ARMC2: variants seen among roughly 807,000 people sequenced by gnomAD.
The protein encoded by ARMC2 is armadillo repeat-containing protein 2.
Under a neutral mutation model 90.3 loss-of-function variants are expected in ARMC2, and 67 were observed. That is an observed-to-expected ratio of 0.74 (90% confidence interval 0.61 to 0.91). ARMC2 has a LOEUF of 0.91. Ranked by LOEUF, ARMC2 falls within the 40% of genes least tolerant of loss-of-function variation. ARMC2 has a pLI of 0.00. For missense variants in ARMC2, 920 were observed against 1,030.9 expected (o/e 0.89, Z 1.47); for synonymous variants, 393 against 393.0 (o/e 1.00, Z 0.00).
At chr6:108,856,134 A>G (rs1057173135) in intron 2 of ARMC2, among the ~76,000 whole-genome samples, 7 of 152,174 alleles carry the variant, frequency 4.6e-5, no homozygotes, top group Non-Finnish European at 1.0e-4. Flanking sequence ...GCAATACGCA[A>G]GGTTTTCTAG....
intron 12 of ARMC2, among the ~76,000 whole-genome samples, chr6:108,944,425 G>C (rs1019431672): frequency 1.3e-5 from 2 of 152,150 alleles, no homozygotes; most frequent in Non-Finnish European, 2.9e-5. Flanking sequence ...TGAAAAAGGT[G>C]CTCATCACAC....
At chr6:108,954,766 G>A (rs1420834828) in intron 13 of ARMC2, among the ~76,000 whole-genome samples, 1 of 152,238 alleles carries the variant, frequency 6.6e-6, no homozygotes, top group Non-Finnish European at 1.5e-5. Context: ...GTCAACTCAA[G>A]AGCCATTTCC....
chr6:108,894,572 C>T (rs1031552311), intron 6 of ARMC2, 29 bp downstream of exon 6: 1 of 1,552,666 alleles, frequency 6.4e-7, no homozygotes, highest in African/African-American at 1.4e-5. Flanking sequence ...CCTTCATCTA[C>T]AGCATCTCCA....
intron 6 of ARMC2, among the ~76,000 whole-genome samples, chr6:108,899,308 T>G (rs1334370348): frequency 6.6e-6 from 1 of 152,242 alleles, no homozygotes; most frequent in African/African-American, 2.4e-5. Context: ...TAGAAAATTT[T>G]TCATTACACA....
rs546773195 is a variant in ARMC2, at chr6:108,879,345, C to T, written c.671+2995C>T. ...CCATATATCTACCCATCTGTCTACC[C>T]ATGCAGCTAGCACCTACCCATCCAC... On this transcript the variant is annotated intron_variant, in intron 5 of 17. Coordinates refer to ENST00000392644, the MANE Select transcript of ARMC2 (RefSeq NM_032131.6). Among the ~76,000 whole-genome samples the T allele has an allele frequency of 2.3e-3, 348 of 151,222 alleles. 3 individuals carry two copies. Among genetic ancestry groups the T allele is most frequent in the African/African-American group, 7.6e-3 (312 of 41,174 alleles).
intron 8 of ARMC2, among the ~76,000 whole-genome samples, chr6:108,907,282 A>G (rs1173199252): frequency 6.6e-6 from 1 of 152,060 alleles, no homozygotes. Context: ...ATGAAGTTTT[A>G]TTAAGTATGG....
intron 1 of ARMC2, among the ~76,000 whole-genome samples, chr6:108,853,020 G>T (rs1774162487): frequency 6.6e-6 from 1 of 151,950 alleles, no homozygotes; most frequent in South Asian, 2.1e-4. Context: ...AATGTACTAG[G>T]CCTCTCATCA....
the ARMC2 span, among the ~76,000 whole-genome samples, chr6:109,003,120 C>T: frequency 1.3e-5 from 2 of 151,918 alleles, no homozygotes; most frequent in Non-Finnish European, 2.9e-5. Flanking sequence ...CCCTCACCCT[C>T]CCCATATAGT....
the ARMC2 span, among the ~76,000 whole-genome samples, chr6:109,030,242 C>G: frequency 1.3e-5 from 2 of 152,106 alleles, no homozygotes; most frequent in African/African-American, 2.4e-5. Flanking sequence ...ATCTAAGAAT[C>G]TGGTCTAAGG....
chr6:109,002,103 C>T, the ARMC2 span, among the ~76,000 whole-genome samples: 1 of 152,272 alleles, frequency 6.6e-6, no homozygotes, highest in East Asian at 1.9e-4. Flanking sequence ...TAGAAATCAA[C>T]ACAAGTACAA....
intron 1 of ARMC2, among the ~76,000 whole-genome samples, chr6:108,852,385 G>T (rs1392742978): frequency 6.6e-6 from 1 of 152,108 alleles, no homozygotes; most frequent in Admixed American, 6.6e-5. Context: ...AAAGAAGAAG[G>T]ATAGAGAAAA....
At chr6:109,002,383 A>G in the ARMC2 span, 12 of 1,526,686 alleles carry the variant, frequency 7.9e-6, no homozygotes, top group South Asian at 1.3e-4. Context: ...CTTTGGCAGT[A>G]AACAAAATGA....
chr6:108,878,895 A>T (rs1177164409), intron 5 of ARMC2, among the ~76,000 whole-genome samples: 1 of 151,974 alleles, frequency 6.6e-6, no homozygotes, highest in Admixed American at 6.5e-5. Flanking sequence ...CCATCCATCC[A>T]CCCATTCACC....
intron 13 of ARMC2, chr6:108,959,391 A>G (rs946154010): frequency 6.6e-6 from 1 of 152,234 alleles, no homozygotes; most frequent in African/African-American, 2.4e-5. Context: ...CCAAAGAAAA[A>G]CTTCGGTTTC....
At chr6:108,952,674 G>A (rs1777273968) in intron 12 of ARMC2, among the ~76,000 whole-genome samples, 2 of 151,920 alleles carry the variant, frequency 1.3e-5, no homozygotes, top group African/African-American at 4.8e-5. Flanking sequence ...TCAAGAAACC[G>A]GCTATTGTCA....
intron 5 of ARMC2, among the ~76,000 whole-genome samples, chr6:108,886,040 A>C (rs996579072): frequency 3.9e-5 from 6 of 152,226 alleles, no homozygotes; most frequent in African/African-American, 1.4e-4. Flanking sequence ...ATCCTACACA[A>C]CTTGAATCTA....
chr6:108,848,453 C>A lies in ARMC2; in HGVS notation c.-137C>A, dbSNP rs982926872. On this transcript the variant is annotated 5_prime_UTR_variant, in exon 1 of 18. Coordinates refer to ENST00000392644, the MANE Select transcript of ARMC2 (RefSeq NM_032131.6). ...CGAGCGGCGTCGTGGGGTTACCCCG[C>A]CCGCGCCAGCGCTGCATCCCTGGCC... The A allele has an allele frequency of 6.6e-6, 1 of 152,332 alleles. No homozygotes were observed. The highest frequency in any genetic ancestry group is 1.5e-5 in the Non-Finnish European group (1 of 68,106). 9.4% of individuals were successfully genotyped at this position (152,332 alleles called of 1,614,324 possible).
chr6:108,925,689 T>C (rs913076063), intron 10 of ARMC2, among the ~76,000 whole-genome samples: 4 of 152,198 alleles, frequency 2.6e-5, no homozygotes, highest in Non-Finnish European at 4.4e-5. Flanking sequence ...TTCTGGGATA[T>C]CTCTGCTTGA....
the ARMC2 span, among the ~76,000 whole-genome samples, chr6:109,007,610 T>C: frequency 6.6e-6 from 1 of 152,112 alleles, no homozygotes; most frequent in Non-Finnish European, 1.5e-5. Context: ...CTCGCCCTTC[T>C]CTGGGAGATT....
Sources: allele counts gnomAD v4.1 joint callset (sites outside exome capture counted in the v4.1 genomes callset), GRCh38; gene constraint gnomAD v4.1.1; transcripts MANE v1.5; gene names NCBI Gene and HGNC (gene_info 2026-07-23, HGNC 2026-07-21).